Variants in NAALADL2 observed in about 807,000 individuals in gnomAD.
NAALADL2 encodes N-acetylated alpha-linked acidic dipeptidase like 2, also known as inactive N-acetylated-alpha-linked acidic dipeptidase-like protein 2.
A neutral mutation model predicts 87.2 loss-of-function variants in NAALADL2; 76 were observed. The ratio of observed to expected loss-of-function variants is 0.87; its 90% CI spans 0.72 to 1.05. The LOEUF (loss-of-function observed/expected upper bound fraction) is 1.05, where lower values mean the gene tolerates loss of function less well. Among genes scored for constraint, NAALADL2 ranks in the 50% least tolerant of loss-of-function variants. The pLI is 0.00. For missense variants in NAALADL2, 1,089 were observed against 945.8 expected (o/e 1.15, Z -1.99); for synonymous variants, 354 against 331.0 (o/e 1.07, Z -0.75).
At chr3:174,570,025 C>G (rs571573992) in intron 2 of NAALADL2, among the ~76,000 whole-genome samples, 24 of 152,246 alleles carry the variant, frequency 1.6e-4, no homozygotes, top group African/African-American at 5.8e-4. Flanking sequence ...TTTTCTTCAA[C>G]TCTGTGAGAC....
intron 1 of NAALADL2, among the ~76,000 whole-genome samples, chr3:174,535,552 G>A (rs1232504765): frequency 6.6e-6 from 1 of 152,046 alleles, no homozygotes; most frequent in Non-Finnish European, 1.5e-5. Flanking sequence ...TATGAACCGG[G>A]AGCCGTACTA....
intron 1 of NAALADL2, among the ~76,000 whole-genome samples, chr3:174,468,276 T>C (rs1309081977): frequency 1.3e-5 from 2 of 152,196 alleles, no homozygotes; most frequent in East Asian, 1.9e-4. Context: ...GTCAGATTGT[T>C]ATGAGGAATG....
intron 2 of NAALADL2, among the ~76,000 whole-genome samples, chr3:175,167,215 G>A (rs1357568905): frequency 6.6e-6 from 1 of 152,044 alleles, no homozygotes; most frequent in African/African-American, 2.4e-5. Context: ...AGCAGTCACA[G>A]ACAATACATA....
intron 4 of NAALADL2, among the ~76,000 whole-genome samples, chr3:175,300,740 GATTT>G (rs34592647): frequency 2.7e-5 from 4 of 145,516 alleles, no homozygotes; most frequent in African/African-American, 1.0e-4. Context: ...CCATCTCCTG[GATTT>G]ATTTATTTAT....
At chr3:174,509,039 A>G (rs1030059337) in intron 1 of NAALADL2, among the ~76,000 whole-genome samples, 2 of 151,696 alleles carry the variant, frequency 1.3e-5, no homozygotes, top group African/African-American at 4.8e-5. Flanking sequence ...TTCTGCATGG[A>G]CAATTATGGA....
chr3:174,987,096 A>G (rs1051172748), intron 1 of NAALADL2, among the ~76,000 whole-genome samples: 3 of 152,210 alleles, frequency 2.0e-5, no homozygotes, highest in Non-Finnish European at 4.4e-5. Flanking sequence ...ATTTTGATCA[A>G]TATAAATCCA....
At chr3:175,403,648 A>T (rs1186546410) in intron 5 of NAALADL2, among the ~76,000 whole-genome samples, 2 of 152,146 alleles carry the variant, frequency 1.3e-5, no homozygotes, top group African/African-American at 2.4e-5. Context: ...TGACAATAAT[A>T]AAGTAAGAAA....
chr3:174,681,934 C>G (rs1338612700), intron 2 of NAALADL2, among the ~76,000 whole-genome samples: 1 of 152,156 alleles, frequency 6.6e-6, no homozygotes. Context: ...TGCCCCAGAC[C>G]TAGCAGCATT....
intron 1 of NAALADL2, among the ~76,000 whole-genome samples, chr3:174,472,526 A>G (rs1716967054): frequency 6.6e-6 from 1 of 152,184 alleles, no homozygotes; most frequent in Non-Finnish European, 1.5e-5. Flanking sequence ...TTCCATTTAC[A>G]ACATTTCCCT....
rs869161862 is a variant in NAALADL2, at chr3:174,894,594, C to CAAAAAAAA, written c.43+35186_43+35193dup. 7.8e-4 allele frequency among the ~76,000 whole-genome samples: 38 copies of CAAAAAAAA among 48,468 alleles called. 1 individual carries two copies. Among genetic ancestry groups the CAAAAAAAA allele is most frequent in the Non-Finnish European group, 1.0e-3 (29 of 28,724 alleles). The allele number at this position is 48,468 out of a possible 152,430, so 31.8% of individuals were successfully genotyped here. On this transcript the variant is annotated intron_variant, in intron 1 of 13. Transcript: ENST00000454872. ...GGGCAAAAAGAGTGAAACTCCGTCT[C>CAAAAAAAA]AAAAAAAAAAAAAAAAAAAAAAAAA...
chr3:174,864,649 G>C (rs757031596), intron 1 of NAALADL2, among the ~76,000 whole-genome samples: 6 of 151,934 alleles, frequency 3.9e-5, no homozygotes, highest in Non-Finnish European at 8.8e-5. Flanking sequence ...GTTTGAATCT[G>C]TTTTTGAATT....
intron 4 of NAALADL2, among the ~76,000 whole-genome samples, chr3:175,278,125 C>CAAAAAT (rs1581233998): frequency 6.6e-6 from 1 of 151,884 alleles, no homozygotes; most frequent in Non-Finnish European, 1.5e-5. Context: ...GACTCCGTCT[C>CAAAAAT]AATAATAATA....
chr3:174,552,205 A>G (rs1319133067), intron 2 of NAALADL2, among the ~76,000 whole-genome samples: 1 of 152,196 alleles, frequency 6.6e-6, no homozygotes, highest in African/African-American at 2.4e-5. Flanking sequence ...TATAACGTAT[A>G]TAATCTTTCC....
chr3:175,190,993 A>AAAAAAG (rs1560140979), intron 2 of NAALADL2, among the ~76,000 whole-genome samples: 1 of 151,488 alleles, frequency 6.6e-6, no homozygotes, highest in African/African-American at 2.4e-5. Flanking sequence ...AAAAAAAAAA[A>AAAAAAG]AAAAAGAAAA....
At chr3:175,099,508 C>A (rs1452866527) in intron 2 of NAALADL2, among the ~76,000 whole-genome samples, 1 of 152,138 alleles carries the variant, frequency 6.6e-6, no homozygotes, top group Non-Finnish European at 1.5e-5. Flanking sequence ...GCTCCTCATC[C>A]AAAAATATCT....
chr3:175,176,870 T>C (rs9817962), intron 2 of NAALADL2, among the ~76,000 whole-genome samples: 125,369 of 151,956 alleles, frequency 0.83, 52,180 homozygotes, highest in East Asian at 0.93. Context: ...ACAAAATCAG[T>C]GTCGCATTTC....
intron 1 of NAALADL2, among the ~76,000 whole-genome samples, chr3:174,977,376 C>T (rs528707192): frequency 3.9e-4 from 60 of 152,282 alleles, no homozygotes; most frequent in African/African-American, 1.3e-3. Context: ...CCACCCACCT[C>T]GGCCTCCCAA....
At chr3:175,038,963 T>C (rs1753738223) in intron 1 of NAALADL2, among the ~76,000 whole-genome samples, 1 of 152,154 alleles carries the variant, frequency 6.6e-6, no homozygotes, top group Admixed American at 6.5e-5. Flanking sequence ...AAATGCTATC[T>C]AGTCAAACCA....
intron 6 of NAALADL2, among the ~76,000 whole-genome samples, chr3:175,449,099 A>G (rs1721144705): frequency 6.6e-6 from 1 of 152,106 alleles, no homozygotes; most frequent in Non-Finnish European, 1.5e-5. Context: ...AAAAAAATGC[A>G]GACATGTCTT....
Sources: allele counts gnomAD v4.1 joint callset (sites outside exome capture counted in the v4.1 genomes callset), GRCh38; gene constraint gnomAD v4.1.1; transcripts MANE v1.5; gene names NCBI Gene and HGNC (gene_info 2026-07-23, HGNC 2026-07-21).